The following LRP8 variants were observed in gnomAD, a reference collection of about 807,000 sequenced individuals.
The protein encoded by LRP8 is LDL receptor related protein 8, also known as low-density lipoprotein receptor-related protein 8.
Under a neutral mutation model 111.6 loss-of-function variants are expected in LRP8, and 46 were observed. That is an observed-to-expected ratio of 0.41 (90% CI 0.33 to 0.53). The LOEUF (loss-of-function observed/expected upper bound fraction) is 0.53, where lower values mean the gene tolerates loss of function less well. Among genes scored for constraint, LRP8 ranks in the 20% least tolerant of loss-of-function variants. The pLI is 0.20. For missense variants in LRP8, 959 were observed against 1,297.4 expected (o/e 0.74, Z 4.01); for synonymous variants, 464 against 511.2 (o/e 0.91, Z 1.24).
rs761327448 is a variant in LRP8 at position 53,262,607 on chromosome 1, T to C, written c.1656-43A>G. 1 of 1,515,508 alleles carries C rather than the reference T, an allele frequency of 6.6e-7. No homozygotes were observed. The highest frequency in any genetic ancestry group is 9.2e-7 in the Non-Finnish European group (1 of 1,091,652). 93.9% of individuals were successfully genotyped at this position (1,515,508 alleles called of 1,614,324 possible). On this transcript the variant is annotated intron_variant, in intron 10 of 18. Coordinates refer to ENST00000306052, the MANE Select transcript of LRP8 (RefSeq NM_004631.5). The surrounding 1 kb of genome is among the most constrained non-coding windows in gnomAD (Gnocchi z 4.8). ...CCAATTTGCCTTCTTGCTGGGGACA[T>C]GACCGGGGTGGTCTGAGTCACAAGA...
chr1:53,289,394 A>T, intron 3 of LRP8, 173 bp downstream of exon 3: 1 of 882,696 alleles, frequency 1.1e-6, no homozygotes, highest in East Asian at 3.0e-5. Context: ...AAGAAAGTCC[A>T]GAAACAGGTC....
chr1:53,251,841 C>T (rs920137076), intron 16 of LRP8, among the ~76,000 whole-genome samples: 3 of 151,548 alleles, frequency 2.0e-5, no homozygotes, highest in East Asian at 3.9e-4. Flanking sequence ...GCCAGGAGTT[C>T]GAGACCAGCC....
Position 53,266,121 on chromosome 1 carries a change from C to T in LRP8, c.1427+352G>A, listed in dbSNP as rs914164719. Among the ~76,000 whole-genome samples, 1 of 152,134 alleles carries T rather than the reference C, an allele frequency of 6.6e-6. No individual in the cohort carries two copies. The highest frequency in any genetic ancestry group is 1.5e-5 in the Non-Finnish European group (1 of 68,032). On this transcript the variant is annotated intron_variant, in intron 9 of 18. Coordinates refer to ENST00000306052, the MANE Select transcript of LRP8 (RefSeq NM_004631.5). This position sits in a 1 kb window ranked among gnomAD's most constrained non-coding sequence, Gnocchi z 5.0. The stretch of plus-strand genomic sequence containing the variant: ...GGGACCAGGTCTAAGTCCCCAGGTT[C>T]CAACACACAGGGATGTGAGCTGCTT...
chr1:53,316,076 G>A (rs984589257), intron 2 of LRP8, among the ~76,000 whole-genome samples: 1 of 152,258 alleles, frequency 6.6e-6, no homozygotes, highest in Non-Finnish European at 1.5e-5. Flanking sequence ...CTGGCTCATG[G>A]AACTCACACA....
intron 2 of LRP8, among the ~76,000 whole-genome samples, chr1:53,297,694 C>G (rs1397177711): frequency 1.3e-5 from 2 of 152,360 alleles, no homozygotes; most frequent in Non-Finnish European, 2.9e-5. Context: ...GTGAGGGCGG[C>G]TTTGCTTTCA....
intron 3 of LRP8, among the ~76,000 whole-genome samples, chr1:53,288,708 G>A (rs545487925): frequency 3.3e-5 from 5 of 152,224 alleles, no homozygotes; most frequent in South Asian, 4.2e-4. Context: ...CTGGGTCCCC[G>A]CCAGCCCCAC....
Position 53,317,253 on chromosome 1 carries a change from C to T in LRP8, c.244+9620G>A, listed in dbSNP as rs1465689472. 6.6e-6 allele frequency among the ~76,000 whole-genome samples: 1 copy of T among 152,214 alleles called. No individual in the cohort carries two copies. Among genetic ancestry groups the T allele is most frequent in the East Asian group, 1.9e-4 (1 of 5,200 alleles). On this transcript the variant is annotated intron_variant, in intron 2 of 18. Coordinates refer to ENST00000306052, the MANE Select transcript of LRP8 (RefSeq NM_004631.5). The surrounding 1 kb of genome is among the most constrained non-coding windows in gnomAD (Gnocchi z 4.9). Reference sequence around the variant, plus strand: ...CTTGGCCTCCAGCTATTCAGTCGGGCAGCTTAACCTGGGCCTGATGGGACC... The same window carrying T: ...CTTGGCCTCCAGCTATTCAGTCGGGTAGCTTAACCTGGGCCTGATGGGACC...
At chr1:53,256,716 G>A (rs1261560016) in intron 15 of LRP8, among the ~76,000 whole-genome samples, 1 of 152,202 alleles carries the variant, frequency 6.6e-6, no homozygotes, top group Non-Finnish European at 1.5e-5. Flanking sequence ...TTTAATAAGT[G>A]GTGAACTTAA....
chr1:53,258,210 A>G, intron 14 of LRP8, 109 bp downstream of exon 14: 1 of 1,136,688 alleles, frequency 8.8e-7, no homozygotes, highest in Non-Finnish European at 1.2e-6. Context: ...GTAACCAGGG[A>G]AGATGGAAGA....
At chr1:53,320,845 G>C (rs969274217) in intron 2 of LRP8, among the ~76,000 whole-genome samples, 4 of 152,186 alleles carry the variant, frequency 2.6e-5, no homozygotes, top group African/African-American at 7.2e-5. Flanking sequence ...ACCCCACCAG[G>C]GTAGACAGCG....
At chr1:53,272,924 C>T (rs1321983490) in intron 6 of LRP8, among the ~76,000 whole-genome samples, 3 of 152,210 alleles carry the variant, frequency 2.0e-5, no homozygotes, top group Non-Finnish European at 4.4e-5. Context: ...CTCAACAATT[C>T]TATTTACTGA....
Position 53,242,841 on chromosome 1 carries a change from AT to A in LRP8, c.*4176del, listed in dbSNP as rs1276315935. 10 of 125,578 alleles carry A rather than the reference AT, an allele frequency of 8.0e-5. No individual in the cohort carries two copies. The highest frequency in any genetic ancestry group is 1.6e-4 in the Non-Finnish European group (9 of 54,676). The allele number at this position is 125,578 out of a possible 1,614,324, so 7.8% of individuals were successfully genotyped here. On this transcript the variant is annotated 3_prime_UTR_variant, in exon 19 of 19. Transcript: ENST00000306052. Reference sequence around the variant, plus strand: ...GTATCAAAACCTTGGCTTTAAATATATATATATATATATATATACACACACA... The same window carrying A: ...GTATCAAAACCTTGGCTTTAAATATAATATATATATATATATACACACACA...
rs559401446 is a variant in LRP8 at position 53,253,741 on chromosome 1, A to G, written c.2503+1376T>C. ...TTCCTGGTGAAGCCTTTCAAGGCCA[A>G]TTCAAATGCTGTCTTCTCCAGAAGC... is the stretch of plus-strand genomic sequence containing the variant. On this transcript the variant is annotated intron_variant, in intron 16 of 18. Coordinates refer to ENST00000306052, the MANE Select transcript of LRP8 (RefSeq NM_004631.5). Among the ~76,000 whole-genome samples the G allele has an allele frequency of 7.2e-5, 11 of 152,296 alleles. No individual in the cohort carries two copies. In the South Asian group the frequency reaches 2.3e-3, roughly 32 times the overall value.
chr1:53,323,145 C>T (rs1349230509), intron 2 of LRP8, among the ~76,000 whole-genome samples: 2 of 152,132 alleles, frequency 1.3e-5, no homozygotes, highest in Non-Finnish European at 2.9e-5. Context: ...CTGGGAAGGA[C>T]CTACCTAAGT....
In LRP8 at chr1:53,278,346, G is replaced by C. The variant is rs532063245; in HGVS notation, c.497-1268C>G. ...TGGCCCCGGGATGGGGGTAGGCCCCGGTGGGGCACTGATGCAGTGGCTGTG... is the reference window on the plus strand; with the variant it reads ...TGGCCCCGGGATGGGGGTAGGCCCCCGTGGGGCACTGATGCAGTGGCTGTG... On this transcript the variant is annotated intron_variant, in intron 4 of 18. Coordinates refer to ENST00000306052, the MANE Select transcript of LRP8 (RefSeq NM_004631.5). Among the ~76,000 whole-genome samples, 103 of 152,354 alleles carry C rather than the reference G, an allele frequency of 6.8e-4. 1 individual carries two copies. Among genetic ancestry groups the C allele is most frequent in the Non-Finnish European group, 8.8e-4 (60 of 68,020 alleles).
chr1:53,272,645 G>C (rs547811096), intron 6 of LRP8: 1 of 1,289,580 alleles, frequency 7.8e-7, no homozygotes, highest in Admixed American at 2.3e-5. Flanking sequence ...TGGCGGAACT[G>C]AAAGAACAAG....
intron 8 of LRP8, chr1:53,267,385 T>C (rs1646609379): frequency 6.6e-6 from 1 of 151,914 alleles, no homozygotes; most frequent in African/African-American, 2.4e-5. Context: ...AGTGGGAGAA[T>C]CATTTGAGCC....
chr1:53,255,239 C>T, intron 15 of LRP8, 54 bp from the exon 16 acceptor site: 1 of 1,530,134 alleles, frequency 6.5e-7, no homozygotes, highest in African/African-American at 1.4e-5. Context: ...TGTCCAAGCC[C>T]CTACTGGCCT....
chr1:53,260,624 G>A lies in LRP8; in HGVS notation c.1915-19C>T, dbSNP rs374003365. ...CCTTGTCCTGTGGGGTATAGATGCA[G>A]AGGATGGGAGGCCTGGAGTGTAAAT... On this transcript the variant is annotated intron_variant, in intron 12 of 18. Transcript: ENST00000306052. 6.2e-7 allele frequency: 1 copy of A among 1,611,714 alleles called. No homozygotes were observed. The highest frequency in any genetic ancestry group is 1.3e-5 in the African/African-American group (1 of 74,890).
Sources: gnomAD v4.1 joint callset for allele counts (sites outside exome capture counted in the v4.1 genomes callset) on GRCh38, gnomAD v4.1.1 for gene constraint, Gnocchi (gnomAD v3.1) non-coding constraint, MANE v1.5 for transcripts, NCBI Gene and HGNC (gene_info 2026-07-23, HGNC 2026-07-21) for gene names.